Variants in N4BP2L2 observed in about 807,000 individuals in gnomAD.
N4BP2L2 encodes NEDD4 binding protein 2 like 2, also known as NEDD4-binding protein 2-like 2.
Under a neutral mutation model 56.2 loss-of-function variants are expected in N4BP2L2, and 50 were observed. The observed-to-expected ratio is 0.89, with a 90% CI of 0.71 to 1.13. The LOEUF (loss-of-function observed/expected upper bound fraction) is 1.13, where lower values mean the gene tolerates loss of function less well. N4BP2L2 is among the 50% of genes most tolerant of loss of function. The pLI, the probability that N4BP2L2 is intolerant of heterozygous loss-of-function variation, is 0.00. For missense variants in N4BP2L2, 689 were observed against 693.8 expected, an observed-to-expected ratio of 0.99 and a Z score of 0.08; for synonymous variants, 203 against 223.6, an observed-to-expected ratio of 0.91 and a Z score of 0.82.
chr13:32,465,072 T>C (rs993504941), intron 6 of N4BP2L2, among the ~76,000 whole-genome samples: 2 of 152,170 alleles, frequency 1.3e-5, no homozygotes, highest in Non-Finnish European at 2.9e-5. Flanking sequence ...TTTCCAGTGA[T>C]TCTCTTGCCT....
At chr13:32,500,610 C>G (rs563721751) in intron 6 of N4BP2L2, among the ~76,000 whole-genome samples, 1 of 148,738 alleles carries the variant, frequency 6.7e-6, no homozygotes, top group South Asian at 2.1e-4. Context: ...CCTAACCACT[C>G]AAGAGGTTGT....
chr13:32,467,713 G>C (rs2081480242), intron 6 of N4BP2L2, among the ~76,000 whole-genome samples: 1 of 151,778 alleles, frequency 6.6e-6, no homozygotes, highest in African/African-American at 2.4e-5. Context: ...CGTAGGCCAG[G>C]CATGGTGGCT....
At chr13:32,444,078 C>A in exon 7 of N4BP2L2, 1 of 1,578,024 alleles carries the variant, frequency 6.3e-7, no homozygotes, top group Non-Finnish European at 8.6e-7. Context: ...TGTTCCTCTT[C>A]TGTTTGGTTT....
exon 2 of N4BP2L2, chr13:32,536,757 G>T: frequency 1.2e-6 from 2 of 1,614,044 alleles, no homozygotes; most frequent in Non-Finnish European, 1.7e-6. Context: ...ATAACATCTG[G>T]TCTATTACCA....
chr13:32,436,785 C>CAAAAAAAAAAAAAAAAAAAAAA (rs1174354861), intron 8 of N4BP2L2, among the ~76,000 whole-genome samples: 1 of 44,970 alleles, frequency 2.2e-5, no homozygotes, highest in African/African-American at 7.9e-5. Context: ...GTGTGACTGT[C>CAAAAAAAAAAAAAAAAAAAAAA]AAAAAAAAAA....
At chr13:32,463,937 A>AAAAAAG (rs1449657864) in intron 6 of N4BP2L2, among the ~76,000 whole-genome samples, 173 of 150,628 alleles carry the variant, frequency 1.1e-3, no homozygotes, top group Admixed American at 2.1e-3. Context: ...AAAAAAAAAA[A>AAAAAAG]AGGTAAAGGG....
At chr13:32,532,748 G>A (rs1422714420) in intron 2 of N4BP2L2, among the ~76,000 whole-genome samples, 10 of 151,354 alleles carry the variant, frequency 6.6e-5, no homozygotes, top group Middle Eastern at 3.4e-3. Context: ...ATGCCACCAC[G>A]CCCAGCTCAT....
rs1361562191 is a variant in N4BP2L2 at position 32,437,386 on chromosome 13, A to C, written c.2191-981T>G. Among the ~76,000 whole-genome samples, 4 of 152,344 alleles carry C rather than the reference A, an allele frequency of 2.6e-5. No homozygotes were observed. The East Asian group carries it at 5.8e-4, about 22-fold the overall frequency. The stretch of plus-strand genomic sequence containing the variant: ...CAGTTAAGAAATACCTACTGTCCTG[A>C]ACTATTAGTTCTAGAATGATTCACT... On this transcript the variant is annotated intron_variant, in intron 8 of 9. Coordinates refer to the N4BP2L2 transcript ENST00000357505.
At chr13:32,437,216 C>G (rs973673825) in intron 8 of N4BP2L2, among the ~76,000 whole-genome samples, 4 of 152,008 alleles carry the variant, frequency 2.6e-5, no homozygotes, top group South Asian at 2.1e-4. Context: ...AAATATTGCT[C>G]TGTGTGTGTG....
At chr13:32,456,091 C>G (rs2078939059) in intron 6 of N4BP2L2, among the ~76,000 whole-genome samples, 1 of 152,184 alleles carries the variant, frequency 6.6e-6, no homozygotes, top group Non-Finnish European at 1.5e-5. Context: ...TTGGGACCCA[C>G]TAACACTGGT....
chr13:32,518,123 T>C, intron 5 of N4BP2L2, 120 bp from the exon 6 acceptor site: 1 of 896,872 alleles, frequency 1.1e-6, no homozygotes, highest in African/African-American at 1.7e-5. Context: ...ACAATATATA[T>C]TTCATCTGTC....
chr13:32,498,922 G>T (rs1410445464), intron 6 of N4BP2L2, among the ~76,000 whole-genome samples: 10 of 148,992 alleles, frequency 6.7e-5, no homozygotes, highest in Non-Finnish European at 8.9e-5. Context: ...CTGGGAGATG[G>T]AGGTTGCACT....
chr13:32,479,503 G>C (rs1287182409), intron 6 of N4BP2L2, among the ~76,000 whole-genome samples: 2 of 151,452 alleles, frequency 1.3e-5, no homozygotes, highest in Non-Finnish European at 2.9e-5. Context: ...GGATGGTCTC[G>C]ATCTCCTGAC....
intron 2 of N4BP2L2, among the ~76,000 whole-genome samples, chr13:32,531,134 T>A (rs529186292): frequency 6.6e-6 from 1 of 152,242 alleles, no homozygotes; most frequent in South Asian, 2.1e-4. Context: ...AATCAAGCCT[T>A]CAGACCAGAA....
chr13:32,526,542 A>C (rs961516958), intron 3 of N4BP2L2, among the ~76,000 whole-genome samples: 1 of 152,204 alleles, frequency 6.6e-6, no homozygotes, highest in East Asian at 1.9e-4. Context: ...TCAATACCTG[A>C]TAATTCTGGG....
At chr13:32,480,331 A>G (rs2084354212) in intron 6 of N4BP2L2, among the ~76,000 whole-genome samples, 1 of 152,212 alleles carries the variant, frequency 6.6e-6, no homozygotes, top group Admixed American at 6.5e-5. Context: ...AAAAACAGAG[A>G]TTTGACCTGG....
exon 6 of N4BP2L2, chr13:32,517,966 G>C (rs1201691703): frequency 1.2e-6 from 2 of 1,613,798 alleles, no homozygotes; most frequent in South Asian, 2.2e-5. Context: ...TCCAACATCT[G>C]AGCAATCTTC....
chr13:32,513,187 T>C (rs1294643073), exon 6 of N4BP2L2: 1 of 152,216 alleles, frequency 6.6e-6, no homozygotes, highest in Non-Finnish European at 1.5e-5. Flanking sequence ...TAGTTGCCAA[T>C]AATCATAATC....
intron 6 of N4BP2L2, among the ~76,000 whole-genome samples, chr13:32,461,841 A>G (rs531477778): frequency 6.6e-6 from 1 of 152,162 alleles, no homozygotes; most frequent in Non-Finnish European, 1.5e-5. Context: ...GGCTCAAGCA[A>G]TCCTCCCACC....
Sources: allele counts gnomAD v4.1 joint callset (sites outside exome capture counted in the v4.1 genomes callset), GRCh38; gene constraint gnomAD v4.1.1; transcripts MANE v1.5; gene names NCBI Gene and HGNC (gene_info 2026-07-23, HGNC 2026-07-21).